The following TCOF1 variants were observed in gnomAD, a reference collection of about 807,000 sequenced individuals.
The protein encoded by TCOF1 is treacle protein.
TCOF1 carries 33 observed loss-of-function variants against 149.0 expected under a neutral mutation model. That is an observed-to-expected ratio of 0.22 (90% confidence interval 0.17 to 0.30). The LOEUF (loss-of-function observed/expected upper bound fraction) is 0.30. Among genes scored for constraint, TCOF1 ranks in the 10% least tolerant of loss-of-function variants. TCOF1 has a pLI of 1.00. For synonymous variants in TCOF1, 789 were observed against 738.8 expected, an observed-to-expected ratio of 1.07 and a Z score of -1.10; for missense variants, 1,728 against 1,840.7, an observed-to-expected ratio of 0.94 and a Z score of 1.12.
intron 6 of TCOF1, among the ~76,000 whole-genome samples, chr5:150,371,454 G>T (rs1333573118): frequency 5.3e-5 from 8 of 152,184 alleles, no homozygotes; most frequent in Non-Finnish European, 8.8e-5. Flanking sequence ...ACCCAGGGCC[G>T]CAAGGGGTCT....
At chr5:150,384,288 T>A (rs1279860476) in intron 17 of TCOF1, 5 of 989,290 alleles carry the variant, frequency 5.1e-6, no homozygotes, top group Non-Finnish European at 6.0e-6. Context: ...TTTTTCTGTT[T>A]AATCTCCACA....
intron 3 of TCOF1, among the ~76,000 whole-genome samples, chr5:150,365,253 CTTTTTTT>C (rs991524826): frequency 1.1e-3 from 129 of 116,502 alleles, no homozygotes; most frequent in Admixed American, 3.1e-3. Flanking sequence ...CTTTTTCTTT[CTTTTTTT>C]TTTTTTTTTT....
intron 17 of TCOF1, chr5:150,383,068 A>C: frequency 6.5e-7 from 1 of 1,535,614 alleles, no homozygotes; most frequent in Non-Finnish European, 8.7e-7. Flanking sequence ...TCAGAAGGAC[A>C]GTAACTCCAA....
intron 23 of TCOF1, 34 bp from the exon 24 acceptor site, chr5:150,396,248 C>G (rs749939529): frequency 1.2e-6 from 2 of 1,611,638 alleles, no homozygotes; most frequent in African/African-American, 2.7e-5. Context: ...CCCCAACTCT[C>G]CCAGATCTGT....
chr5:150,375,107 A>C lies in TCOF1; in HGVS notation c.1432A>C (p.Ser478Arg). Residue 478 changes from serine to arginine, a missense_variant, in exon 10 of 27, where the codon AGC becomes CGC. By Grantham distance (110) the Ser-to-Arg change is moderately radical. Transcript: ENST00000643257. Reference protein sequence around the residue: ...VGKQEEDSRSSSEESDSDREA... With the variant: ...VGKQEEDSRSRSEESDSDREA... ...GAAGCAGGAGGAGGACTCAAGAAGC[A>C]GCAGCGAGGAGTCAGACAGTGACAG... 6.2e-7 allele frequency: 1 copy of C among 1,614,152 alleles called. No homozygotes were observed. Among genetic ancestry groups the C allele is most frequent in the Non-Finnish European group, 8.5e-7 (1 of 1,180,020 alleles).
intron 6 of TCOF1, among the ~76,000 whole-genome samples, chr5:150,371,369 A>G (rs1440051247): frequency 1.3e-5 from 2 of 151,932 alleles, no homozygotes; most frequent in African/African-American, 4.8e-5. Flanking sequence ...GAAGAAGACC[A>G]CTCCCAGCCC....
Position 150,378,952 on chromosome 5 carries a change from C to T in TCOF1, c.2388C>T (p.Ala796=), listed in dbSNP as rs532722514. ...CCCAGGCCAAAGCCAACCCAGCTGC[C>T]GCCAGAGCACCTTCAGCAAAAGGGA... ...KKTQAKANPA[A]ARAPSAKGTI... Residue 796 remains alanine, a synonymous_variant, in exon 15 of 27, where the codon GCC becomes GCT. Transcript: ENST00000643257. 16 of 1,614,088 alleles carry T rather than the reference C, an allele frequency of 9.9e-6. No homozygotes were observed. Among genetic ancestry groups the T allele is most frequent in the East Asian group, 4.5e-5 (2 of 44,870 alleles).
chr5:150,392,514 C>T (rs891694039), intron 21 of TCOF1, 191 bp from the exon 22 acceptor site: 10 of 630,850 alleles, frequency 1.6e-5, no homozygotes, highest in African/African-American at 7.3e-5. Flanking sequence ...ATTCAAATGT[C>T]GCACCTAGCA....
At chr5:150,360,607 C>T (rs1308777495) in intron 1 of TCOF1, among the ~76,000 whole-genome samples, 1 of 152,148 alleles carries the variant, frequency 6.6e-6, no homozygotes, top group Non-Finnish European at 1.5e-5. Flanking sequence ...CATTCCACCT[C>T]TGGCCTTTCA....
At chr5:150,374,920 CTG>C (rs1562345283) in intron 9 of TCOF1, 32 bp from the exon 10 acceptor site, 1 of 1,613,858 alleles carries the variant, frequency 6.2e-7, no homozygotes, top group Non-Finnish European at 8.5e-7. Flanking sequence ...CGTCCACCCT[CTG>C]GGCTCTCCCC....
chr5:150,383,181 T>C, intron 17 of TCOF1: 2 of 1,533,944 alleles, frequency 1.3e-6, no homozygotes, highest in South Asian at 1.2e-5. Flanking sequence ...AGGTGCGCCA[T>C]GCCTTCTCTC....
At chr5:150,371,007 G>A (rs1562320179) in intron 6 of TCOF1, among the ~76,000 whole-genome samples, 1 of 152,130 alleles carries the variant, frequency 6.6e-6, no homozygotes, top group African/African-American at 2.4e-5. Flanking sequence ...CTGCAGCCTG[G>A]GTTGGAGGGC....
At chr5:150,398,589 G>A in intron 25 of TCOF1, 138 bp downstream of exon 25, 2 of 1,353,648 alleles carry the variant, frequency 1.5e-6, no homozygotes, top group South Asian at 2.5e-5. Context: ...ACACACCAGG[G>A]AAGAGGCTGG....
Position 150,389,917 on chromosome 5 carries a change from C to T in TCOF1, c.3077C>T (p.Thr1026Ile), listed in dbSNP as rs781382182. 26 of 1,614,146 alleles carry T rather than the reference C, an allele frequency of 1.6e-5. No individual in the cohort carries two copies. Among genetic ancestry groups the T allele is most frequent in the Non-Finnish European group, 2.2e-5 (26 of 1,180,052 alleles). ...AGAACCAATGTGGTGACCATGCCCACTGCCCACCCAAGAATAGCCCCCAAA... is the reference window on the plus strand; with the variant it reads ...AGAACCAATGTGGTGACCATGCCCATTGCCCACCCAAGAATAGCCCCCAAA... ...GIRTNVVTMP[T>I]AHPRIAPKAS... The change falls in exon 19 of 27, where the codon ACT becomes ATT. Residue 1026 changes from threonine to isoleucine, a missense_variant. By Grantham distance (89) the Thr-to-Ile change is moderately conservative (BLOSUM62 -1). Coordinates refer to ENST00000643257, the MANE Select transcript of TCOF1 (RefSeq NM_001371623.1).
chr5:150,389,658 T>G, intron 18 of TCOF1, among the ~76,000 whole-genome samples: 1 of 152,088 alleles, frequency 6.6e-6, no homozygotes, highest in South Asian at 2.1e-4. Context: ...TGAGGAAGCC[T>G]GGGGTCACCC....
rs375337164 is a variant in TCOF1, at chr5:150,396,282, G to T, written c.3785G>T (p.Gly1262Val). The T allele has an allele frequency of 2.2e-5, 35 of 1,614,052 alleles. No homozygotes were observed. The African/African-American group carries it at 4.1e-4, about 19-fold the overall frequency. Reference protein sequence around the residue: ...QAAGMLSPKTGGKEAASGTTP... With the variant: ...QAAGMLSPKTVGKEAASGTTP... ...GTGACCCCACATTCTCTCTCCATAG[G>T]TGGAAAAGAGGCTGCTTCAGGCACC... The change falls in exon 24 of 27, where the codon GGT becomes GTT. Residue 1262 changes from glycine to valine, a missense_variant and splice_region_variant. Gly to Val is a moderately radical substitution (Grantham distance 109). Coordinates refer to ENST00000643257, the MANE Select transcript of TCOF1 (RefSeq NM_001371623.1).
chr5:150,376,518 G>T lies in TCOF1; in HGVS notation c.2238G>T (p.Lys746Asn). ...GQGTAPVLPG[K>N]TGPTVTQVKA... ...GGACTGCTCCAGTACTCCCTGGGAA[G>T]ACGGGGCCTACAGTCACCCAGGTGA... The change falls in exon 14 of 27, where the codon AAG becomes AAT. Residue 746 changes from lysine (K) to asparagine (N), a missense_variant. This residue lies in a region of TCOF1 where 1,696 missense variants were observed against 1,765.4 expected (regional missense o/e 0.96). Coordinates refer to ENST00000643257, the MANE Select transcript of TCOF1 (RefSeq NM_001371623.1). 1.2e-6 allele frequency: 2 copies of T among 1,612,764 alleles called. No individual in the cohort carries two copies. Among genetic ancestry groups the T allele is most frequent in the Non-Finnish European group, 1.7e-6 (2 of 1,179,404 alleles).
chr5:150,398,021 C>G (rs926880083), intron 24 of TCOF1, among the ~76,000 whole-genome samples: 11 of 152,194 alleles, frequency 7.2e-5, no homozygotes, highest in Non-Finnish European at 1.5e-4. Context: ...CTCCCAAGCT[C>G]AAGCGATCCT....
rs1291412194 is a variant in TCOF1, at chr5:150,367,592, C to T, written c.305-252C>T. ...CCAGGGGCCTCCACGTCTCATGCTG[C>T]GGGGGAGTTGGGAATCCATCAAGGA... On this transcript the variant is annotated intron_variant, in intron 3 of 26. Coordinates refer to ENST00000643257, the MANE Select transcript of TCOF1 (RefSeq NM_001371623.1). The T allele has an allele frequency of 1.6e-5, 8 of 503,406 alleles. 1 individual carries two copies. Among genetic ancestry groups the T allele is most frequent in the South Asian group, 9.8e-5 (5 of 51,210 alleles). 31.2% of individuals were successfully genotyped at this position (503,406 alleles called of 1,614,324 possible). A position where few individuals can be genotyped will look rare whatever the true frequency, so the allele number is the denominator to read the frequency against.
Sources: gnomAD v4.1 joint callset for allele counts (sites outside exome capture counted in the v4.1 genomes callset) on GRCh38, gnomAD v4.1.1 for gene constraint, gnomAD v4.1.1 regional missense constraint, MANE v1.5 for transcripts, NCBI Gene and HGNC (gene_info 2026-07-23, HGNC 2026-07-21) for gene names.